The following OXR1 variants were observed in gnomAD, a reference collection of about 807,000 sequenced individuals.
OXR1 encodes the protein oxidation resistance 1, also known as oxidation resistance protein 1.
OXR1 carries 41 observed loss-of-function variants against 104.6 expected under a neutral mutation model. That is an observed-to-expected ratio of 0.39 (90% CI 0.31 to 0.51). The LOEUF (loss-of-function observed/expected upper bound fraction) is 0.51, where lower values mean the gene tolerates loss of function less well. Among genes scored for constraint, OXR1 ranks in the 20% least tolerant of loss-of-function variants. The probability of loss-of-function intolerance (pLI) is 0.77; values close to 1 mark genes in which losing one functional copy is unlikely to be tolerated. For synonymous variants in OXR1, 348 were observed against 348.4 expected, an observed-to-expected ratio of 1.00 and a Z score of 0.01; for missense variants, 955 against 1,031.9, an observed-to-expected ratio of 0.93 and a Z score of 1.02.
chr8:106,362,096 G>C (rs576436518), intron 2 of OXR1, among the ~76,000 whole-genome samples: 2 of 152,152 alleles, frequency 1.3e-5, no homozygotes, highest in South Asian at 2.1e-4. Context: ...CAGCTTCTTC[G>C]TGTCTAGGAG....
At chr8:106,729,764 TA>T (rs1833704709) in intron 11 of OXR1, 2 of 152,138 alleles carry the variant, frequency 1.3e-5, no homozygotes, top group African/African-American at 4.8e-5. Context: ...TTTAATAGCA[TA>T]GGGGGCTTTC....
chr8:106,367,563 A>C (rs1816528353), intron 2 of OXR1, among the ~76,000 whole-genome samples: 1 of 152,150 alleles, frequency 6.6e-6, no homozygotes, highest in Admixed American at 6.5e-5. Context: ...TATTCAACAA[A>C]TTTTTGAGCA....
At chr8:106,474,910 A>T (rs1821718815) in intron 2 of OXR1, among the ~76,000 whole-genome samples, 1 of 151,976 alleles carries the variant, frequency 6.6e-6, no homozygotes, top group Non-Finnish European at 1.5e-5. Context: ...ACAGACATAG[A>T]TTCTGGAACC....
At chr8:106,579,601 A>T (rs1021801677) in intron 3 of OXR1, among the ~76,000 whole-genome samples, 4 of 152,102 alleles carry the variant, frequency 2.6e-5, no homozygotes, top group Admixed American at 6.5e-5. Context: ...TGAGAACCCC[A>T]TAGGGTAGGC....
At chr8:106,488,713 T>C (rs1810866241) in intron 2 of OXR1, among the ~76,000 whole-genome samples, 2 of 143,018 alleles carry the variant, frequency 1.4e-5, no homozygotes, top group South Asian at 4.6e-4. Context: ...TTCTCAGGTT[T>C]GTCAAAGATC....
At position 106,576,579 on chromosome 8, in the gene OXR1, C is replaced by T. The variant is rs1817857140; in HGVS notation, c.220+57440C>T. 2.0e-5 allele frequency among the ~76,000 whole-genome samples: 3 copies of T among 151,162 alleles called. No homozygotes were observed. In the South Asian group the frequency reaches 6.3e-4, roughly 32 times the overall value. ...TTTATCCAAAGTAAAAATAAATGTA[C>T]AGTCTATGTAACATGTAAAGGTAAA... On this transcript the variant is annotated intron_variant, in intron 3 of 16. Coordinates refer to ENST00000517566, the MANE Select transcript of OXR1 (RefSeq NM_001198533.2).
chr8:106,348,670 T>G (rs1432529633), intron 1 of OXR1, among the ~76,000 whole-genome samples: 3 of 152,146 alleles, frequency 2.0e-5, no homozygotes, highest in Non-Finnish European at 4.4e-5. Context: ...TTTTAAAAAA[T>G]GATTATTTAT....
At chr8:106,499,371 C>G (rs1811627770) in intron 2 of OXR1, among the ~76,000 whole-genome samples, 1 of 152,082 alleles carries the variant, frequency 6.6e-6, no homozygotes, top group African/African-American at 2.4e-5. Context: ...GAGGGTCCTC[C>G]TAAGTCAGGG....
chr8:106,522,062 T>G (rs1235765698), intron 3 of OXR1, among the ~76,000 whole-genome samples: 3 of 152,170 alleles, frequency 2.0e-5, no homozygotes, highest in African/African-American at 7.2e-5. Flanking sequence ...CTATATACAT[T>G]CAAGCAATAA....
At chr8:106,391,495 TA>T (rs1817584798) in intron 2 of OXR1, among the ~76,000 whole-genome samples, 2 of 152,326 alleles carry the variant, frequency 1.3e-5, no homozygotes, top group Admixed American at 1.3e-4. Flanking sequence ...GTTCTTTCTT[TA>T]AAATATTTTT....
chr8:106,486,737 A>G (rs769517029), intron 2 of OXR1, among the ~76,000 whole-genome samples: 3 of 152,046 alleles, frequency 2.0e-5, no homozygotes, highest in Non-Finnish European at 4.4e-5. Flanking sequence ...CATGCATAAA[A>G]TGACTCTTTT....
chr8:106,506,362 T>C lies in OXR1; in HGVS notation c.24-12581T>C, dbSNP rs563925545. On this transcript the variant is annotated intron_variant, in intron 2 of 16. Coordinates refer to ENST00000517566, the MANE Select transcript of OXR1 (RefSeq NM_001198533.2). ...GGCGCGGTGGCTCACGCCTGTAATC[T>C]CAGCACTTTGGGAGGCCAAGGTGGG... Among the ~76,000 whole-genome samples, 137 of 152,218 alleles carry C rather than the reference T, an allele frequency of 9.0e-4. 3 individuals are homozygous for C. Among genetic ancestry groups the C allele is most frequent in the Non-Finnish European group, 3.4e-4 (23 of 68,000 alleles).
At chr8:106,347,404 A>T (rs1010181068) in intron 1 of OXR1, among the ~76,000 whole-genome samples, 1 of 152,240 alleles carries the variant, frequency 6.6e-6, no homozygotes, top group Non-Finnish European at 1.5e-5. Flanking sequence ...AGAAGTAGAC[A>T]TTAGTTTTCT....
intron 1 of OXR1, among the ~76,000 whole-genome samples, chr8:106,291,071 C>T (rs3019309): frequency 0.52 from 79,087 of 151,868 alleles, 21,766 homozygotes; most frequent in African/African-American, 0.71. Flanking sequence ...GGATTGTATA[C>T]AGAAATTATG....
chr8:106,435,393 G>A (rs530126115), intron 2 of OXR1, among the ~76,000 whole-genome samples: 19 of 152,200 alleles, frequency 1.2e-4, no homozygotes, highest in African/African-American at 3.1e-4. Flanking sequence ...CTTTGAATCC[G>A]GGCTTGTCAG....
At chr8:106,284,922 T>C (rs1431454882) in intron 1 of OXR1, among the ~76,000 whole-genome samples, 1 of 152,208 alleles carries the variant, frequency 6.6e-6, no homozygotes, top group East Asian at 1.9e-4. Flanking sequence ...TGTAATTGAA[T>C]TGAATTGACT....
At chr8:106,420,980 T>G (rs1170717579) in intron 2 of OXR1, among the ~76,000 whole-genome samples, 1 of 152,110 alleles carries the variant, frequency 6.6e-6, no homozygotes, top group Non-Finnish European at 1.5e-5. Flanking sequence ...TGAGTGTTTT[T>G]GAGGCTGTAC....
rs538865071 is a variant in OXR1 at position 106,678,954 on chromosome 8, T to C, written c.221-256T>C. ...TGTAATTTAGTTTTTAATGACTTCCTTTCTGTTGACAATTATGTTTTGCGT... is the reference window on the plus strand; with the variant it reads ...TGTAATTTAGTTTTTAATGACTTCCCTTCTGTTGACAATTATGTTTTGCGT... On this transcript the variant is annotated intron_variant, in intron 3 of 16. Transcript: ENST00000517566. Among the ~76,000 whole-genome samples the C allele has an allele frequency of 2.0e-5, 3 of 152,180 alleles. No individual in the cohort carries two copies. The South Asian group carries it at 6.2e-4, about 32-fold the overall frequency.
intron 2 of OXR1, among the ~76,000 whole-genome samples, chr8:106,406,137 G>A (rs1247175231): frequency 6.6e-6 from 1 of 152,086 alleles, no homozygotes; most frequent in East Asian, 1.9e-4. Flanking sequence ...TCTTGTCATA[G>A]GGTGGCTTGG....
Sources: allele counts gnomAD v4.1 joint callset (sites outside exome capture counted in the v4.1 genomes callset), GRCh38; gene constraint gnomAD v4.1.1; transcripts MANE v1.5; gene names NCBI Gene and HGNC (gene_info 2026-07-23, HGNC 2026-07-21).